Variants in MAGI2 observed in about 807,000 individuals in gnomAD.
MAGI2 encodes the protein membrane-associated guanylate kinase, WW and PDZ domain-containing protein 2.
A neutral mutation model predicts 133.3 loss-of-function variants in MAGI2; 35 were observed. The observed-to-expected ratio is 0.26, with a 90% CI of 0.20 to 0.35. The LOEUF is 0.35. Among genes scored for constraint, MAGI2 ranks in the 10% least tolerant of loss-of-function variants. MAGI2 has a pLI of 1.00. For missense variants in MAGI2, 1,636 were observed against 1,863.4 expected, an observed-to-expected ratio of 0.88 and a Z score of 2.25; for synonymous variants, 729 against 710.6, an observed-to-expected ratio of 1.03 and a Z score of -0.41.
intron 1 of MAGI2, among the ~76,000 whole-genome samples, chr7:79,202,469 A>T (rs1197586216): frequency 6.6e-6 from 1 of 151,958 alleles, no homozygotes; most frequent in Non-Finnish European, 1.5e-5. Context: ...AGCATAAGGT[A>T]TATAACTGAA....
In MAGI2 at chr7:78,083,115, G is replaced by A. The variant is rs115169207; in HGVS notation, c.3568-4030C>T. Among the ~76,000 whole-genome samples, 789 of 151,878 alleles carry A rather than the reference G, an allele frequency of 5.2e-3. 12 individuals are homozygous for A. The highest frequency in any genetic ancestry group is 0.018 in the African/African-American group (754 of 41,368). On this transcript the variant is annotated intron_variant, in intron 20 of 21. Transcript: ENST00000354212. ...GTGTGACAAAAGAGTGTCACTTTCC[G>A]CTATCACAATCGGGAGAATTAATTT... is the stretch of plus-strand genomic sequence containing the variant.
chr7:79,419,294 T>TA (rs1167761213), intron 1 of MAGI2, among the ~76,000 whole-genome samples: 4 of 151,768 alleles, frequency 2.6e-5, no homozygotes, highest in African/African-American at 4.8e-5. Context: ...CAACAACCGA[T>TA]ATGAAAGCTG....
chr7:78,763,490 C>T (rs1824718669), intron 2 of MAGI2, among the ~76,000 whole-genome samples: 1 of 152,162 alleles, frequency 6.6e-6, no homozygotes, highest in South Asian at 2.1e-4. Context: ...GTAATTCACA[C>T]AGGTGTGTGG....
At chr7:78,823,227 T>C (rs1021842681) in intron 2 of MAGI2, among the ~76,000 whole-genome samples, 1 of 152,166 alleles carries the variant, frequency 6.6e-6, no homozygotes, top group Non-Finnish European at 1.5e-5. Flanking sequence ...GTGTCCCATG[T>C]GAAGGATGAT....
intron 20 of MAGI2, among the ~76,000 whole-genome samples, chr7:78,120,786 G>C (rs1184681829): frequency 6.6e-6 from 1 of 151,564 alleles, no homozygotes; most frequent in Non-Finnish European, 1.5e-5. Context: ...CGGATCACGA[G>C]GTCAGGAGAT....
At chr7:78,822,431 C>T (rs1790211724) in intron 2 of MAGI2, among the ~76,000 whole-genome samples, 1 of 152,032 alleles carries the variant, frequency 6.6e-6, no homozygotes, top group Admixed American at 6.6e-5. Context: ...TAAGGTGCAG[C>T]AATTTTACTA....
chr7:79,347,113 AT>A (rs1228627055), intron 1 of MAGI2, among the ~76,000 whole-genome samples: 2 of 151,794 alleles, frequency 1.3e-5, no homozygotes. Context: ...TACCTTTTTA[AT>A]TTTGCCCTAA....
intron 1 of MAGI2, among the ~76,000 whole-genome samples, chr7:79,416,352 T>C (rs1230074917): frequency 6.7e-6 from 1 of 149,818 alleles, no homozygotes; most frequent in African/African-American, 2.5e-5. Flanking sequence ...GGAGAGAAGG[T>C]AGGAAAGAAA....
intron 7 of MAGI2, among the ~76,000 whole-genome samples, chr7:78,361,892 AC>A: frequency 6.6e-6 from 1 of 152,278 alleles, no homozygotes; most frequent in Non-Finnish European, 1.5e-5. Context: ...AGGAAAAACG[AC>A]CTCTAACTTC....
intron 1 of MAGI2, among the ~76,000 whole-genome samples, chr7:79,231,869 G>A (rs1352975485): frequency 3.3e-5 from 5 of 151,890 alleles, no homozygotes; most frequent in East Asian, 3.9e-4. Flanking sequence ...CCTGTCTTGT[G>A]CCAGTTTTCA....
At position 78,159,854 on chromosome 7, in the gene MAGI2, A is replaced by G. The variant is rs941882508; in HGVS notation, c.2845+171T>C. 5.5e-6 allele frequency: 4 copies of G among 723,334 alleles called. No homozygotes were observed. The African/African-American group carries it at 7.2e-5, about 13-fold the overall frequency. 44.8% of individuals were successfully genotyped at this position (723,334 alleles called of 1,614,324 possible). A position where few individuals can be genotyped will look rare whatever the true frequency, so the allele number is the denominator to read the frequency against. ...CTTCTTCTTGAGCCAGAGGTCAGTA[A>G]CTGTCTGCTAGTCAGTGGTATGGAT... On this transcript the variant is annotated intron_variant, in intron 16 of 21. Transcript: ENST00000354212.
chr7:78,585,478 T>C (rs1347663187), intron 3 of MAGI2, among the ~76,000 whole-genome samples: 1 of 152,068 alleles, frequency 6.6e-6, no homozygotes, highest in Non-Finnish European at 1.5e-5. Context: ...GCCTGATACG[T>C]AGTTGAAAGT....
chr7:78,441,193 T>C (rs1214565443), intron 6 of MAGI2, among the ~76,000 whole-genome samples: 1 of 152,198 alleles, frequency 6.6e-6, no homozygotes, highest in Non-Finnish European at 1.5e-5. Flanking sequence ...AGTTTTCTAC[T>C]TGTTTGCTTA....
intron 6 of MAGI2, among the ~76,000 whole-genome samples, chr7:78,483,251 G>T (rs1212238011): frequency 2.0e-5 from 3 of 151,792 alleles, no homozygotes; most frequent in Non-Finnish European, 4.4e-5. Flanking sequence ...TTCTGCTACT[G>T]TGCAAAACAG....
intron 1 of MAGI2, among the ~76,000 whole-genome samples, chr7:79,217,124 G>A (rs554461480): frequency 6.6e-5 from 10 of 152,016 alleles, no homozygotes; most frequent in South Asian, 2.1e-4. Flanking sequence ...CTTTGAATGC[G>A]GAGTTTGACT....
intron 1 of MAGI2, among the ~76,000 whole-genome samples, chr7:79,272,384 G>A (rs748651190): frequency 6.6e-6 from 1 of 152,042 alleles, no homozygotes; most frequent in Non-Finnish European, 1.5e-5. Context: ...TTCAGCTTGC[G>A]AAATTCAGTT....
chr7:79,135,671 C>T (rs749424045), intron 1 of MAGI2, among the ~76,000 whole-genome samples: 4 of 151,812 alleles, frequency 2.6e-5, no homozygotes, highest in East Asian at 3.9e-4. Flanking sequence ...GCACTGTGGC[C>T]GACAGATGTA....
At chr7:78,116,315 A>G (rs1401603137) in intron 20 of MAGI2, among the ~76,000 whole-genome samples, 4 of 151,894 alleles carry the variant, frequency 2.6e-5, no homozygotes, top group Admixed American at 1.3e-4. Context: ...TTTAATAGAA[A>G]TGAAGAAAGC....
intron 1 of MAGI2, among the ~76,000 whole-genome samples, chr7:79,366,386 A>G (rs1842713273): frequency 6.6e-6 from 1 of 152,174 alleles, no homozygotes; most frequent in Non-Finnish European, 1.5e-5. Flanking sequence ...CCTGGGGTTA[A>G]AGACAAAGGG....
Sources: allele counts gnomAD v4.1 joint callset (sites outside exome capture counted in the v4.1 genomes callset), GRCh38; gene constraint gnomAD v4.1.1; transcripts MANE v1.5; gene names NCBI Gene and HGNC (gene_info 2026-07-23, HGNC 2026-07-21).